The following JMJD4 variants were observed in gnomAD, a reference collection of about 807,000 sequenced individuals.
The protein encoded by JMJD4 is jumonji domain containing 4, also known as 2-oxoglutarate and iron-dependent oxygenase JMJD4.
A neutral mutation model predicts 36.3 loss-of-function variants in JMJD4; 34 were observed. The observed-to-expected ratio is 0.94, with a 90% CI of 0.71 to 1.25. The LOEUF is 1.25. JMJD4 is among the 50% of genes most tolerant of loss of function. JMJD4 has a pLI of 0.00. For synonymous variants in JMJD4, 269 were observed against 235.3 expected (o/e 1.14, Z -1.31); for missense variants, 584 against 559.1 (o/e 1.04, Z -0.45).
Position 227,735,288 on chromosome 1 carries a change from G to T in JMJD4, c.-15C>A. 4 of 1,606,056 alleles carry T rather than the reference G, an allele frequency of 2.5e-6. No individual in the cohort carries two copies. In the South Asian group the frequency reaches 3.3e-5, roughly 13 times the overall value. On this transcript the variant is annotated 5_prime_UTR_variant, in exon 1 of 6. Coordinates refer to ENST00000620518, the MANE Select transcript of JMJD4 (RefSeq NM_023007.3). ...TCGCGGTCCATCCAGCTCAGCACGGGTCGAAGGACCCTCCTCCTCACTTCC... is the reference window on the plus strand; with the variant it reads ...TCGCGGTCCATCCAGCTCAGCACGGTTCGAAGGACCCTCCTCCTCACTTCC...
Position 227,733,932 on chromosome 1 carries a change from C to A in JMJD4, c.529G>T (p.Val177Phe). ...CAGCTGCCCGCAGGCCCCGCGTAGA[C>A]AAAGCGGTAGTCATCCACATCCAGT... ...DALDVDDYRF[V>F]YAGPAGSWSP... Residue 177 changes from valine to phenylalanine, a missense_variant, in exon 3 of 6, where the codon GTC becomes TTC. Physicochemically the swap from Val to Phe is conservative, Grantham distance 50 (BLOSUM62 -1). Coordinates refer to ENST00000620518, the MANE Select transcript of JMJD4 (RefSeq NM_023007.3). 1 of 1,613,910 alleles carries A rather than the reference C, an allele frequency of 6.2e-7. No individual in the cohort carries two copies.
At chr1:227,734,291 G>A in intron 2 of JMJD4, 1 of 429,142 alleles carries the variant, frequency 2.3e-6, no homozygotes, top group South Asian at 3.5e-5. Flanking sequence ...TGAGGTGGAT[G>A]CATCACCTGA....
intron 1 of JMJD4, 41 bp downstream of exon 1, chr1:227,734,971 G>A (rs780830664): frequency 1.0e-5 from 15 of 1,503,920 alleles, no homozygotes; most frequent in East Asian, 2.4e-5. Context: ...GGGTCCCGCC[G>A]GCCTTTCCTC....
At position 227,733,530 on chromosome 1, in the gene JMJD4, A is replaced by T. The variant is rs768109456; in HGVS notation, c.706T>A (p.Cys236Ser). 1 of 1,603,596 alleles carries T rather than the reference A, an allele frequency of 6.2e-7. No homozygotes were observed. The highest frequency in any genetic ancestry group is 1.1e-5 in the South Asian group (1 of 90,468). Residue 236 changes from cysteine to serine, a missense_variant, in exon 4 of 6, where the codon TGC (cysteine) becomes AGC (serine). Cys to Ser is a moderately radical substitution (Grantham distance 112, BLOSUM62 -1). Coordinates refer to ENST00000620518, the MANE Select transcript of JMJD4 (RefSeq NM_023007.3). ...TTCCGTGGGTGCAGGTGTGTGTCGC[A>T]GAGTGCTGGGGAGGTCACGTCGTAG... ...LPYDVTSPAL[C>S]DTHLHPRNQL...
rs1378483014 is a variant in JMJD4, at chr1:227,735,234, G to A, written c.40C>T (p.Arg14Ter). Residue 14 changes from arginine to a stop codon, truncating the protein, a stop_gained, in exon 1 of 6, where the codon CGA becomes TGA. Coordinates refer to ENST00000620518, the MANE Select transcript of JMJD4 (RefSeq NM_023007.3). LOFTEE classifies it high-confidence loss of function. ...CCGGGGACATCGACCCCCAGGCCTC[G>A]GAAGTGGCTGTCGGCGAGGGCGCGC... ...ETRALADSHF[R>*]GLGVDVPGVG... is the part of the protein sequence containing the mutation. 5 of 1,598,690 alleles carry A rather than the reference G, an allele frequency of 3.1e-6. No individual in the cohort carries two copies. Among genetic ancestry groups the A allele is most frequent in the Admixed American group, 3.4e-5 (2 of 58,870 alleles).
chr1:227,732,162 C>A lies in JMJD4; in HGVS notation c.*230G>T. On this transcript the variant is annotated 3_prime_UTR_variant, in exon 6 of 6. Transcript: ENST00000620518. ...GCCAGGTCCTGGCACCATCTCCGAGCTCCCAGCAGGCCTGCTGCAGGTCAG... is the reference window on the plus strand; with the variant it reads ...GCCAGGTCCTGGCACCATCTCCGAGATCCCAGCAGGCCTGCTGCAGGTCAG... 1 of 594,490 alleles carries A rather than the reference C, an allele frequency of 1.7e-6. No individual in the cohort carries two copies. The highest frequency in any genetic ancestry group is 2.1e-5 in the South Asian group (1 of 48,146). The allele number at this position is 594,490 out of a possible 1,614,324, so 36.8% of individuals were successfully genotyped here.
rs552801369 is a variant in JMJD4 at position 227,735,101 on chromosome 1, G to C, written c.173C>G (p.Ser58Cys). ...FLLPNLPCVFSSAFTQGWGSR... is the reference protein window; with the variant it reads ...FLLPNLPCVFCSAFTQGWGSR... Reference sequence around the variant, plus strand: ...GCCCCAGCCCTGCGTGAAGGCGCTGGAAAACACGCAGGGCAGGTTGGGCAG... The same window carrying C: ...GCCCCAGCCCTGCGTGAAGGCGCTGCAAAACACGCAGGGCAGGTTGGGCAG... Residue 58 changes from serine to cysteine, a missense_variant, in exon 1 of 6, where the codon TCC becomes TGC. Coordinates refer to ENST00000620518, the MANE Select transcript of JMJD4 (RefSeq NM_023007.3). 7 of 1,574,680 alleles carry C rather than the reference G, an allele frequency of 4.4e-6. No individual in the cohort carries two copies. The highest frequency in any genetic ancestry group is 6.0e-6 in the Non-Finnish European group (7 of 1,161,450).
In JMJD4 at chr1:227,734,016, C is replaced by T. The variant is rs145452398; in HGVS notation, c.445G>A (p.Asp149Asn). 1.7e-4 allele frequency: 268 copies of T among 1,613,486 alleles called. No individual in the cohort carries two copies. In the African/African-American group the frequency reaches 3.4e-3, roughly 21 times the overall value. Residue 149 changes from aspartate to asparagine, a missense_variant, in exon 3 of 6, where the codon GAC becomes AAC. By Grantham distance (23) the Asp-to-Asn change is conservative. Coordinates refer to ENST00000620518, the MANE Select transcript of JMJD4 (RefSeq NM_023007.3). ...WHLCRDFPVE[D>N]VFTLPVYFSS... ...AAGTACACAGGCAGGGTGAAAACGT[C>T]CTCCACCGGAAAGTCCCTGTGAGGA...
At position 227,733,785 on chromosome 1, in the gene JMJD4, C is replaced by G. The variant is rs1660845436; in HGVS notation, c.555-104G>C. The G allele has an allele frequency of 4.4e-6, 7 of 1,582,262 alleles. No homozygotes were observed. The Admixed American group carries it at 1.2e-4, about 28-fold the overall frequency. On this transcript the variant is annotated intron_variant, in intron 3 of 5. Coordinates refer to ENST00000620518, the MANE Select transcript of JMJD4 (RefSeq NM_023007.3). Reference sequence around the variant, plus strand: ...ACTGAAGGAGGGGTGGCCCCTTGGTCTCAAGGGATGGCACCCACTGTGAGG... The same window carrying G: ...ACTGAAGGAGGGGTGGCCCCTTGGTGTCAAGGGATGGCACCCACTGTGAGG...
In JMJD4 at chr1:227,731,976, AC is replaced by A; in HGVS notation, c.*415del. ...GGTGAGCTTGCCCAGCACTGCTCCA[AC>A]CCCTCCCTGAACCCACAGGGCAGAG... On this transcript the variant is annotated 3_prime_UTR_variant, in exon 6 of 6. Transcript: ENST00000620518. The A allele has an allele frequency of 4.3e-6, 1 of 232,492 alleles. No individual in the cohort carries two copies. Among genetic ancestry groups the A allele is most frequent in the Non-Finnish European group, 8.6e-6 (1 of 116,032 alleles). 14.4% of individuals were successfully genotyped at this position (232,492 alleles called of 1,614,324 possible). A position where few individuals can be genotyped will look rare whatever the true frequency, so the allele number is the denominator to read the frequency against.
At chr1:227,733,272 G>GC in intron 4 of JMJD4, 142 bp downstream of exon 4, 1 of 964,896 alleles carries the variant, frequency 1.0e-6, no homozygotes, top group African/African-American at 1.6e-5. Flanking sequence ...CTAGGCCTCA[G>GC]CGACACCACC....
At chr1:227,733,861 T>C in intron 3 of JMJD4, 46 bp downstream of exon 3, 2 of 1,609,622 alleles carry the variant, frequency 1.2e-6, no homozygotes, top group Non-Finnish European at 1.7e-6. Flanking sequence ...CAGTCCGTTC[T>C]GTCACCAGGC....
At chr1:227,733,716 G>A in intron 3 of JMJD4, 35 bp from the exon 4 acceptor site, 3 of 1,598,788 alleles carry the variant, frequency 1.9e-6, no homozygotes, top group Non-Finnish European at 8.5e-7. Context: ...CATGCCTGTA[G>A]GGGCTGGTAT....
chr1:227,733,574 T>C lies in JMJD4; in HGVS notation c.662A>G (p.Asp221Gly), dbSNP rs755908566. ...FPPGQEEALRDRHGNLPYDVT... is the reference protein window; with the variant it reads ...FPPGQEEALRGRHGNLPYDVT... ...GTCGTAGGGCAGGTTGCCGTGGCGG[T>C]CCCGCAGGGCCTCTTCCTGCCCTGG... Residue 221 changes from aspartate to glycine, a missense_variant, in exon 4 of 6, where the codon GAC (aspartate) becomes GGC (glycine). Transcript: ENST00000620518. 8 of 1,606,632 alleles carry C rather than the reference T, an allele frequency of 5.0e-6. No homozygotes were observed. In the African/African-American group the frequency reaches 6.7e-5, roughly 13 times the overall value.
intron 3 of JMJD4, 31 bp from the exon 4 acceptor site, chr1:227,733,712 T>C (rs894973504): frequency 6.3e-7 from 1 of 1,598,738 alleles, no homozygotes. Flanking sequence ...GGTTCATGCC[T>C]GTAGGGGCTG....
Position 227,733,907 on chromosome 1 carries a change from C to T in JMJD4, c.554G>A (p.Trp185Ter). The T allele has an allele frequency of 6.2e-7, 1 of 1,613,466 alleles. No individual in the cohort carries two copies. Among genetic ancestry groups the T allele is most frequent in the South Asian group, 1.1e-5 (1 of 91,066 alleles). ...TCCACTCCCACATCCGTGGCCTCAC[C>T]AGCTGCCCGCAGGCCCCGCGTAGAC... ...RFVYAGPAGS[W>*]SPFHADIFRS... Residue 185 changes from tryptophan to a stop codon, truncating the protein, a stop_gained and splice_region_variant, in exon 3 of 6, where the codon TGG becomes TAG. Coordinates refer to ENST00000620518, the MANE Select transcript of JMJD4 (RefSeq NM_023007.3). LOFTEE classifies it high-confidence loss of function.
intron 4 of JMJD4, 38 bp from the exon 5 acceptor site, chr1:227,733,065 G>A: frequency 6.2e-7 from 1 of 1,608,996 alleles, no homozygotes; most frequent in East Asian, 2.2e-5. Context: ...TGAGCCCATG[G>A]CAGGTGCCCC....
chr1:227,732,125 G>A lies in JMJD4; in HGVS notation c.*267C>T, dbSNP rs568668594. 10 of 557,960 alleles carry A rather than the reference G, an allele frequency of 1.8e-5. No individual in the cohort carries two copies. Among genetic ancestry groups the A allele is most frequent in the Admixed American group, 6.1e-5 (2 of 32,588 alleles). The allele number at this position is 557,960 out of a possible 1,614,324, so 34.6% of individuals were successfully genotyped here. A position where few individuals can be genotyped will look rare whatever the true frequency, so the allele number is the denominator to read the frequency against. On this transcript the variant is annotated 3_prime_UTR_variant, in exon 6 of 6. Transcript: ENST00000620518. ...AGGCGTCCTGGCCTAAGGAGGCAGG[G>A]CCCCCAAAAGAGCCAGGTCCTGGCA...
chr1:227,732,110 G>C lies in JMJD4; in HGVS notation c.*282C>G, dbSNP rs1045679976. Reference sequence around the variant, plus strand: ...GACTCCTGTCAGCTCAGGCGTCCTGGCCTAAGGAGGCAGGGCCCCCAAAAG... The same window carrying C: ...GACTCCTGTCAGCTCAGGCGTCCTGCCCTAAGGAGGCAGGGCCCCCAAAAG... On this transcript the variant is annotated 3_prime_UTR_variant, in exon 6 of 6. Coordinates refer to ENST00000620518, the MANE Select transcript of JMJD4 (RefSeq NM_023007.3). 3.7e-6 allele frequency: 2 copies of C among 538,310 alleles called. No homozygotes were observed. 33.3% of individuals were successfully genotyped at this position (538,310 alleles called of 1,614,324 possible).
Sources: allele counts gnomAD v4.1 joint callset, GRCh38; gene constraint gnomAD v4.1.1; transcripts MANE v1.5; gene names NCBI Gene and HGNC (gene_info 2026-07-23, HGNC 2026-07-21).